The following MYO3A variants were observed in gnomAD, a reference collection of about 807,000 sequenced individuals.
The protein encoded by MYO3A is myosin IIIA, also known as myosin-IIIa.
Under a neutral mutation model 192.7 loss-of-function variants are expected in MYO3A, and 180 were observed. The observed-to-expected ratio is 0.93, with a 90% confidence interval of 0.83 to 1.06. MYO3A has a LOEUF of 1.06. MYO3A is among the 50% of genes least tolerant of loss of function. The pLI is 0.00. For synonymous variants in MYO3A, 628 were observed against 645.3 expected, an observed-to-expected ratio of 0.97 and a Z score of 0.41; for missense variants, 1,896 against 1,905.0, an observed-to-expected ratio of 1.00 and a Z score of 0.09.
intron 15 of MYO3A, among the ~76,000 whole-genome samples, chr10:26,091,213 C>T (rs181721644): frequency 2.1e-4 from 32 of 152,164 alleles, no homozygotes; most frequent in Non-Finnish European, 7.4e-5. Flanking sequence ...TTTTAATGAA[C>T]TCACCCTTTC....
intron 19 of MYO3A, among the ~76,000 whole-genome samples, chr10:26,127,009 G>A (rs1175015485): frequency 6.6e-6 from 1 of 152,048 alleles, no homozygotes; most frequent in Non-Finnish European, 1.5e-5. Flanking sequence ...ATCTCGTTAT[G>A]GGACACTGGG....
intron 10 of MYO3A, among the ~76,000 whole-genome samples, chr10:26,035,829 G>A (rs933762629): frequency 3.3e-5 from 5 of 152,158 alleles, no homozygotes; most frequent in African/African-American, 1.2e-4. Flanking sequence ...CTCACAATGG[G>A]CATTTACACT....
chr10:25,982,302 T>C (rs1839383713), intron 4 of MYO3A, among the ~76,000 whole-genome samples: 1 of 152,068 alleles, frequency 6.6e-6, no homozygotes, highest in African/African-American at 2.4e-5. Context: ...GTGGTCTTTC[T>C]CTACCCACTC....
intron 26 of MYO3A, among the ~76,000 whole-genome samples, chr10:26,162,316 C>T (rs973311068): frequency 1.3e-5 from 2 of 152,200 alleles, no homozygotes; most frequent in African/African-American, 4.8e-5. Context: ...AAAAGTAATA[C>T]ATAAAACACA....
intron 2 of MYO3A, among the ~76,000 whole-genome samples, chr10:25,938,228 G>A (rs566622848): frequency 3.9e-5 from 6 of 152,260 alleles, no homozygotes; most frequent in African/African-American, 1.2e-4. Context: ...TATGAGAGAC[G>A]TTCAAACCAG....
intron 10 of MYO3A, among the ~76,000 whole-genome samples, chr10:26,059,469 A>G (rs1009336238): frequency 6.6e-6 from 1 of 152,102 alleles, no homozygotes; most frequent in Non-Finnish European, 1.5e-5. Flanking sequence ...TAGCCTATTG[A>G]TGTGATGAAA....
intron 10 of MYO3A, among the ~76,000 whole-genome samples, chr10:26,064,795 A>C (rs1271620953): frequency 6.6e-6 from 1 of 152,256 alleles, no homozygotes; most frequent in East Asian, 1.9e-4. Context: ...CTGAACAATC[A>C]GAAGAAAGGA....
At chr10:26,205,482 G>A (rs554906576) in intron 34 of MYO3A, among the ~76,000 whole-genome samples, 5 of 144,140 alleles carry the variant, frequency 3.5e-5, no homozygotes, top group Non-Finnish European at 7.5e-5. Flanking sequence ...TTTTTTTTGG[G>A]GGGGGGCTTC....
chr10:26,012,849 G>T lies in MYO3A; in HGVS notation c.509-3971G>T, dbSNP rs1841755663. 2.6e-5 allele frequency among the ~76,000 whole-genome samples: 4 copies of T among 151,846 alleles called. No individual in the cohort carries two copies. The South Asian group carries it at 8.4e-4, about 32-fold the overall frequency. Reference sequence around the variant, plus strand: ...ACAAAAACAAAAAACAAATCAGGAGGCATCACATTACTGGACTTCAAATTA... The same window carrying T: ...ACAAAAACAAAAAACAAATCAGGAGTCATCACATTACTGGACTTCAAATTA... On this transcript the variant is annotated intron_variant, in intron 6 of 34. Transcript: ENST00000642920.
chr10:26,211,311 C>T (rs1359516508), intron 34 of MYO3A, among the ~76,000 whole-genome samples: 1 of 152,190 alleles, frequency 6.6e-6, no homozygotes, highest in Non-Finnish European at 1.5e-5. Flanking sequence ...CTTAGCCCAG[C>T]AGCCTCATTG....
chr10:26,118,131 G>A (rs1588986026), intron 17 of MYO3A, among the ~76,000 whole-genome samples: 2 of 151,458 alleles, frequency 1.3e-5, no homozygotes, highest in South Asian at 4.2e-4. Context: ...TTGGCTGTAT[G>A]TATGTCTTCT....
At chr10:26,188,290 CTTTT>C (rs1201733746) in intron 31 of MYO3A, among the ~76,000 whole-genome samples, 1 of 152,156 alleles carries the variant, frequency 6.6e-6, no homozygotes, top group Non-Finnish European at 1.5e-5. Flanking sequence ...TAAATGTCTT[CTTTT>C]GAGAAGTGTC....
At chr10:26,178,552 C>CAAA (rs764277960) in intron 31 of MYO3A, among the ~76,000 whole-genome samples, 1 of 101,652 alleles carries the variant, frequency 9.8e-6, no homozygotes, top group African/African-American at 3.7e-5. Context: ...GACTCTGTCT[C>CAAA]AAAAAAAAAA....
intron 4 of MYO3A, among the ~76,000 whole-genome samples, chr10:25,975,149 T>C (rs561948734): frequency 6.6e-6 from 1 of 152,282 alleles, no homozygotes; most frequent in South Asian, 2.1e-4. Context: ...TAATATGCAT[T>C]CTGTGTTTGC....
chr10:26,025,385 G>A (rs955606604), intron 9 of MYO3A, among the ~76,000 whole-genome samples: 16 of 151,394 alleles, frequency 1.1e-4, no homozygotes, highest in African/African-American at 3.9e-4. Flanking sequence ...CGTAGACTCT[G>A]TGAATTGCAG....
intron 20 of MYO3A, among the ~76,000 whole-genome samples, chr10:26,140,892 A>C (rs1033521679): frequency 3.3e-5 from 5 of 152,094 alleles, no homozygotes; most frequent in Admixed American, 3.3e-4. Context: ...AACTCTGCTC[A>C]CCTTATGCTT....
chr10:25,985,641 C>T (rs116838159), intron 4 of MYO3A, among the ~76,000 whole-genome samples: 4,594 of 152,030 alleles, frequency 0.03, 224 homozygotes, highest in African/African-American at 0.1. Context: ...TAGATAAAAC[C>T]AGGAAGATAT....
Position 26,175,240 on chromosome 10 carries a change from A to G in MYO3A, c.4293+683A>G, listed in dbSNP as rs142801476. On this transcript the variant is annotated intron_variant, in intron 30 of 34. Coordinates refer to ENST00000642920, the MANE Select transcript of MYO3A (RefSeq NM_017433.5). ...ATACAATTTATCTCTGATACATACA[A>G]TTTATCTCCTATAAATTGGTGCTAT... Among the ~76,000 whole-genome samples the G allele has an allele frequency of 7.6e-3, 1,151 of 152,314 alleles. 8 individuals carry two copies. The highest frequency in any genetic ancestry group is 0.01 in the Non-Finnish European group (701 of 68,028).
At chr10:26,148,044 T>G (rs1442010641) in intron 23 of MYO3A, among the ~76,000 whole-genome samples, 1 of 152,236 alleles carries the variant, frequency 6.6e-6, no homozygotes, top group Non-Finnish European at 1.5e-5. Flanking sequence ...TTCTCTGCAT[T>G]TCTTTTTTCA....
Sources: allele counts gnomAD v4.1 joint callset (sites outside exome capture counted in the v4.1 genomes callset), GRCh38; gene constraint gnomAD v4.1.1; transcripts MANE v1.5; gene names NCBI Gene and HGNC (gene_info 2026-07-23, HGNC 2026-07-21).